Variants in PRKCA observed in about 807,000 individuals in gnomAD.
PRKCA encodes the protein protein kinase C alpha.
In PRKCA, 27 loss-of-function variants were observed where a neutral mutation model predicts 87.0. The observed-to-expected ratio is 0.31, with a 90% CI of 0.23 to 0.43. The LOEUF (loss-of-function observed/expected upper bound fraction) is 0.43. Among genes scored for constraint, PRKCA ranks in the 20% least tolerant of loss-of-function variants. The pLI, the probability that PRKCA is intolerant of heterozygous loss-of-function variation, is 1.00. For missense variants in PRKCA, 518 were observed against 852.3 expected, an observed-to-expected ratio of 0.61 and a Z score of 4.88; for synonymous variants, 329 against 311.1, an observed-to-expected ratio of 1.06 and a Z score of -0.61.
At chr17:66,660,298 T>C (rs1971859256) in intron 5 of PRKCA, among the ~76,000 whole-genome samples, 1 of 152,182 alleles carries the variant, frequency 6.6e-6, no homozygotes, top group Admixed American at 6.5e-5. Context: ...CAAGGGCATG[T>C]GTTTAGATGT....
chr17:66,453,505 A>G (rs1914429664), intron 2 of PRKCA, among the ~76,000 whole-genome samples: 1 of 151,706 alleles, frequency 6.6e-6, no homozygotes, highest in Non-Finnish European at 1.5e-5. Flanking sequence ...TTTCAGTAGA[A>G]ACGTGTTTCG....
At chr17:66,485,340 C>T (rs535223308) in intron 2 of PRKCA, among the ~76,000 whole-genome samples, 1 of 152,166 alleles carries the variant, frequency 6.6e-6, no homozygotes, top group African/African-American at 2.4e-5. Context: ...CATTGCTTCT[C>T]GCAGTTTTCA....
intron 3 of PRKCA, among the ~76,000 whole-genome samples, chr17:66,562,610 G>C (rs1301176801): frequency 1.3e-5 from 2 of 150,762 alleles, no homozygotes; most frequent in Admixed American, 1.3e-4. Context: ...TGTTGTTGTT[G>C]TTTTTTGGCA....
intron 16 of PRKCA, among the ~76,000 whole-genome samples, chr17:66,798,092 G>A (rs972094114): frequency 3.9e-5 from 6 of 152,134 alleles, no homozygotes; most frequent in African/African-American, 4.8e-5. Flanking sequence ...GAGGAGTGGC[G>A]GGAGGCTGCC....
chr17:66,557,683 A>G (rs889429444), intron 3 of PRKCA, among the ~76,000 whole-genome samples: 4 of 152,188 alleles, frequency 2.6e-5, no homozygotes, highest in African/African-American at 9.7e-5. Context: ...TTTATAGTAG[A>G]GCCCACAAAG....
At chr17:66,405,982 A>C (rs1395983751) in intron 2 of PRKCA, among the ~76,000 whole-genome samples, 2 of 152,172 alleles carry the variant, frequency 1.3e-5, no homozygotes, top group Non-Finnish European at 2.9e-5. Context: ...TCTTTTCATT[A>C]AAAAATGTGG....
At chr17:66,565,563 C>G (rs1195846476) in intron 3 of PRKCA, among the ~76,000 whole-genome samples, 1 of 152,176 alleles carries the variant, frequency 6.6e-6, no homozygotes, top group Non-Finnish European at 1.5e-5. Context: ...AAAGCCAGGG[C>G]TACAAATCAG....
rs569997641 is a variant in PRKCA at position 66,804,977 on chromosome 17, G to A, written c.*940G>A. ...TCCTTCTCAAGAAGCTGAAGTGTAC[G>A]CCCTCTCCCCTTTTGTGCTTATTTA... On this transcript the variant is annotated 3_prime_UTR_variant, in exon 17 of 17. Coordinates refer to ENST00000413366, the MANE Select transcript of PRKCA (RefSeq NM_002737.3). 69 of 984,632 alleles carry A rather than the reference G, an allele frequency of 7.0e-5. No individual in the cohort carries two copies. The African/African-American group carries it at 8.0e-4, about 11-fold the overall frequency. The allele number at this position is 984,632 out of a possible 1,614,324, so 61.0% of individuals were successfully genotyped here. A position where few individuals can be genotyped will look rare whatever the true frequency, so the allele number is the denominator to read the frequency against.
intron 3 of PRKCA, among the ~76,000 whole-genome samples, chr17:66,582,761 C>T (rs952606793): frequency 6.6e-6 from 1 of 152,180 alleles, no homozygotes; most frequent in Non-Finnish European, 1.5e-5. Flanking sequence ...GCTGTACCTT[C>T]ACCTAGCCTG....
chr17:66,660,917 AT>A (rs1301537589), intron 5 of PRKCA, among the ~76,000 whole-genome samples: 17 of 151,822 alleles, frequency 1.1e-4, no homozygotes, highest in African/African-American at 2.9e-4. Context: ...TTAAAAATAA[AT>A]TAATTAATTA....
At chr17:66,656,784 T>C (rs1290436057) in intron 5 of PRKCA, among the ~76,000 whole-genome samples, 6 of 152,186 alleles carry the variant, frequency 3.9e-5, no homozygotes, top group Admixed American at 3.3e-4. Flanking sequence ...TGTCCTAAAA[T>C]AAATGCAGAA....
chr17:66,565,914 C>T (rs560864437), intron 3 of PRKCA, among the ~76,000 whole-genome samples: 5 of 152,220 alleles, frequency 3.3e-5, no homozygotes, highest in Admixed American at 2.0e-4. Flanking sequence ...AAGTTGACTA[C>T]CACAGCCCTA....
At chr17:66,508,629 C>T (rs1387948747) in intron 3 of PRKCA, among the ~76,000 whole-genome samples, 1 of 152,218 alleles carries the variant, frequency 6.6e-6, no homozygotes, top group Admixed American at 6.5e-5. Flanking sequence ...CCAGAAGTCT[C>T]AGGATTTTCT....
chr17:66,454,006 C>CA (rs1378156566), intron 2 of PRKCA, among the ~76,000 whole-genome samples: 1 of 152,188 alleles, frequency 6.6e-6, no homozygotes, highest in Non-Finnish European at 1.5e-5. Flanking sequence ...GATGTGAAGC[C>CA]AGTGCTTATG....
rs572187950 is a variant in PRKCA, at chr17:66,759,322, C to T, written c.1525-14665C>T. On this transcript the variant is annotated intron_variant, in intron 13 of 16. Coordinates refer to ENST00000413366, the MANE Select transcript of PRKCA (RefSeq NM_002737.3). ...AGTGAGCCAAGATGGCGCCACTGCACTCCAGCCTGGGTGACAGAGCGAGAC... is the reference window on the plus strand; with the variant it reads ...AGTGAGCCAAGATGGCGCCACTGCATTCCAGCCTGGGTGACAGAGCGAGAC... 1.6e-3 allele frequency among the ~76,000 whole-genome samples: 235 copies of T among 151,480 alleles called. 1 individual carries two copies. Among genetic ancestry groups the T allele is most frequent in the African/African-American group, 5.5e-3 (228 of 41,254 alleles).
chr17:66,408,902 A>G (rs577134539), intron 2 of PRKCA, among the ~76,000 whole-genome samples: 1 of 151,882 alleles, frequency 6.6e-6, no homozygotes, highest in Non-Finnish European at 1.5e-5. Flanking sequence ...AAATACAAAA[A>G]TTAGCCGGGC....
intron 3 of PRKCA, among the ~76,000 whole-genome samples, chr17:66,526,670 T>C (rs1340055126): frequency 6.6e-6 from 1 of 151,986 alleles, no homozygotes; most frequent in Non-Finnish European, 1.5e-5. Flanking sequence ...ATGGCTAAGC[T>C]CAAAGTTAGG....
At chr17:66,536,020 G>T (rs371363964) in intron 3 of PRKCA, among the ~76,000 whole-genome samples, 1 of 151,998 alleles carries the variant, frequency 6.6e-6, no homozygotes, top group South Asian at 2.1e-4. Flanking sequence ...ATAGCTATTG[G>T]CTTCTGTCCT....
rs184181367 is a variant in PRKCA at position 66,783,152 on chromosome 17, C to T, written c.1606-3715C>T. ...GGGGCCACATCAAGGCTGGAATGCA[C>T]AGGCTCTGTCACGGGTGTTTGGTCT... is the stretch of plus-strand genomic sequence containing the variant. On this transcript the variant is annotated intron_variant, in intron 14 of 16. Transcript: ENST00000413366. 2.0e-5 allele frequency among the ~76,000 whole-genome samples: 3 copies of T among 152,294 alleles called. No homozygotes were observed. The East Asian group carries it at 5.8e-4, about 29-fold the overall frequency.
Sources: allele counts gnomAD v4.1 joint callset (sites outside exome capture counted in the v4.1 genomes callset), GRCh38; gene constraint gnomAD v4.1.1; transcripts MANE v1.5; gene names NCBI Gene and HGNC (gene_info 2026-07-23, HGNC 2026-07-21).